Variants in TONSL observed in about 807,000 individuals in gnomAD.
TONSL encodes the protein tonsoku-like protein.
A neutral mutation model predicts 147.1 loss-of-function variants in TONSL; 112 were observed. The observed-to-expected ratio is 0.76, with a 90% CI of 0.65 to 0.89. The LOEUF (loss-of-function observed/expected upper bound fraction) is 0.89. TONSL is among the 40% of genes least tolerant of loss of function. The probability of loss-of-function intolerance (pLI) is 0.00; values close to 1 mark genes in which losing one functional copy is unlikely to be tolerated. For synonymous variants in TONSL, 868 were observed against 801.5 expected (o/e 1.08, Z -1.40); for missense variants, 1,883 against 1,864.6 (o/e 1.01, Z -0.18).
intron 5 of TONSL, 124 bp downstream of exon 5, chr8:144,442,553 G>C (rs1387889068): frequency 1.3e-5 from 20 of 1,492,710 alleles, no homozygotes; most frequent in Non-Finnish European, 1.3e-5. Context: ...ACAGGTGTGA[G>C]AGGTGGGGGG....
chr8:144,430,624 C>T, intron 24 of TONSL, 87 bp from the exon 25 acceptor site: 2 of 1,471,126 alleles, frequency 1.4e-6, no homozygotes, highest in Non-Finnish European at 1.8e-6. Flanking sequence ...CAAATGCCAG[C>T]TCAGGGAGCC....
intron 10 of TONSL, 67 bp downstream of exon 10, chr8:144,440,284 G>A: frequency 1.9e-6 from 3 of 1,559,234 alleles, no homozygotes; most frequent in Non-Finnish European, 2.6e-6. Flanking sequence ...GGGGCACAAG[G>A]GGCAGGCAGG....
rs1373467815 is a variant in TONSL, at chr8:144,429,329, G to A, written c.3951C>T (p.Ala1317=). Residue 1317 remains alanine (A), a synonymous_variant, in exon 26 of 26, where the codon GCC becomes GCT. Transcript: ENST00000409379. ...GGCCCAGGCCCAGGGGACCCTGGAC[G>A]GCGCAGCCTGCGGAGGGGAAGAGGG... The part of the protein sequence containing the change: ...GLSFLGLSGC[A]VQGPLGLGLW... The A allele has an allele frequency of 6.9e-7, 1 of 1,444,898 alleles. No individual in the cohort carries two copies. The highest frequency in any genetic ancestry group is 9.1e-7 in the Non-Finnish European group (1 of 1,095,734). 89.5% of individuals were successfully genotyped at this position (1,444,898 alleles called of 1,614,324 possible). A position where few individuals can be genotyped will look rare whatever the true frequency, so the allele number is the denominator to read the frequency against.
At chr8:144,430,068 T>C (rs782745603) in intron 25 of TONSL, among the ~76,000 whole-genome samples, 53 of 152,142 alleles carry the variant, frequency 3.5e-4, no homozygotes, top group Middle Eastern at 3.2e-3. Context: ...CCTTGGCAGC[T>C]TTCAACACCC....
rs1011409477 is a variant in TONSL, at chr8:144,442,395, T to C, written c.596A>G (p.Glu199Gly). 7.1e-6 allele frequency: 11 copies of C among 1,552,860 alleles called. No homozygotes were observed. The highest frequency in any genetic ancestry group is 8.7e-6 in the Non-Finnish European group (10 of 1,147,186). ...GTTGTAGCGGGCGCGGAATAGGTCC[T>C]CGTAAAGGTGGTTCTGCCTGCAGAG... ...IFLAEQNHLY[E>G]DLFRARYNLG... The change falls in exon 6 of 26, where the codon GAG (glutamate) becomes GGG (glycine). Residue 199 changes from glutamate to glycine, a missense_variant. Coordinates refer to ENST00000409379, the MANE Select transcript of TONSL (RefSeq NM_013432.5).
At chr8:144,432,489 C>T in intron 22 of TONSL, 29 bp from the exon 23 acceptor site, 1 of 1,517,210 alleles carries the variant, frequency 6.6e-7, no homozygotes, top group South Asian at 1.3e-5. Context: ...CCGTCAGCCC[C>T]ACGTGGCCAC....
rs766239378 is a variant in TONSL, at chr8:144,436,750, G to A, written c.1890+7C>T. On this transcript the variant is annotated splice_region_variant and intron_variant, in intron 15 of 25. Coordinates refer to ENST00000409379, the MANE Select transcript of TONSL (RefSeq NM_013432.5). ...CTCGCCCTTGCCCTCTGCCCCACCA[G>A]GCTCACCTTTCGAGTGCGGAGGGTG... The A allele has an allele frequency of 6.2e-7, 1 of 1,610,632 alleles. No individual in the cohort carries two copies.
chr8:144,438,426 C>T (rs1180201539), intron 13 of TONSL, 45 bp downstream of exon 13: 3 of 1,587,834 alleles, frequency 1.9e-6, no homozygotes, highest in South Asian at 1.1e-5. Context: ...ACGCACAGCT[C>T]CTCCATGCTA....
In TONSL at chr8:144,436,164, G is replaced by A; in HGVS notation, c.2269C>T (p.Gln757Ter). ...GTGGCCGAGCACCGAGGCCTCTTCTGGGACGGCCGTGCGGGGCCTGCGCTG... is the reference window on the plus strand; with the variant it reads ...GTGGCCGAGCACCGAGGCCTCTTCTAGGACGGCCGTGCGGGGCCTGCGCTG... ...EDSAGPARPS[Q>*]KRPRCSATAQ... Residue 757 changes from glutamine (Q) to a stop codon, truncating the protein, a stop_gained, in exon 17 of 26, where the codon CAG (glutamine) becomes TAG (stop). Transcript: ENST00000409379. LOFTEE classifies it high-confidence loss of function. The A allele has an allele frequency of 6.3e-7, 1 of 1,574,828 alleles. No individual in the cohort carries two copies. Among genetic ancestry groups the A allele is most frequent in the Non-Finnish European group, 8.6e-7 (1 of 1,166,844 alleles).
At chr8:144,443,604 A>G (rs759494683) in intron 3 of TONSL, among the ~76,000 whole-genome samples, 1 of 152,084 alleles carries the variant, frequency 6.6e-6, no homozygotes, top group African/African-American at 2.4e-5. Context: ...GGTCAGGGAG[A>G]GCTTTTGGGA....
chr8:144,441,965 G>C, intron 7 of TONSL, 72 bp downstream of exon 7: 2 of 1,362,638 alleles, frequency 1.5e-6, no homozygotes, highest in Non-Finnish European at 2.1e-6. Context: ...CACACCTGGC[G>C]GGACTCCACC....
At chr8:144,444,341 C>T in intron 1 of TONSL, 49 bp downstream of exon 1, 2 of 1,294,742 alleles carry the variant, frequency 1.5e-6, no homozygotes, top group South Asian at 2.4e-5. Flanking sequence ...AGTCCCAAGC[C>T]CTCCCCAGCC....
rs1383254832 is a variant in TONSL at position 144,440,763 on chromosome 8, G to A, written c.1119C>T (p.Arg373=). 6.2e-7 allele frequency: 1 copy of A among 1,612,790 alleles called. No individual in the cohort carries two copies. The highest frequency in any genetic ancestry group is 2.2e-5 in the East Asian group (1 of 44,898). ...GCAGCCTCAGTTCCTCCTCATAGTG[G>A]CGCACGGCCCCATGGTGGTCCTTCA... ...GDMKDHHGAV[R]HYEEELRLRS... is the part of the protein sequence containing the mutation. Residue 373 remains arginine (R), a synonymous_variant, in exon 9 of 26, where the codon CGC becomes CGT. Coordinates refer to ENST00000409379, the MANE Select transcript of TONSL (RefSeq NM_013432.5).
At chr8:144,442,938 C>T (rs551803092) in intron 4 of TONSL, 132 bp from the exon 5 acceptor site, 31 of 1,326,936 alleles carry the variant, frequency 2.3e-5, no homozygotes, top group South Asian at 2.1e-4. Flanking sequence ...AAGTGTCCTG[C>T]GGCAGATGGA....
intron 13 of TONSL, chr8:144,437,760 T>C (rs578214080): frequency 6.5e-5 from 10 of 154,102 alleles, no homozygotes; most frequent in South Asian, 2.0e-4. Flanking sequence ...TGTGCCACCA[T>C]ACCCAGCTAA....
chr8:144,441,454 T>A (rs1307874606), intron 7 of TONSL: 1 of 236,448 alleles, frequency 4.2e-6, no homozygotes, highest in East Asian at 1.0e-4. Flanking sequence ...CAGCCGGGTG[T>A]GGTGGCGGGC....
Position 144,435,180 on chromosome 8 carries a change from C to T in TONSL, c.2853-10G>A. On this transcript the variant is annotated splice_polypyrimidine_tract_variant and intron_variant, in intron 18 of 25. Coordinates refer to ENST00000409379, the MANE Select transcript of TONSL (RefSeq NM_013432.5). ...AGAGTGGGTGTCACTGCTGCAGGGA[C>T]AGAGGCGCTGCTGCTGCTGCCTGCA... 1 of 1,515,172 alleles carries T rather than the reference C, an allele frequency of 6.6e-7. No homozygotes were observed. The highest frequency in any genetic ancestry group is 8.8e-7 in the Non-Finnish European group (1 of 1,132,920). 93.9% of individuals were successfully genotyped at this position (1,515,172 alleles called of 1,614,324 possible). A position where few individuals can be genotyped will look rare whatever the true frequency, so the allele number is the denominator to read the frequency against.
chr8:144,440,712 T>A lies in TONSL; in HGVS notation c.1164+6A>T, dbSNP rs758846088. On this transcript the variant is annotated splice_donor_region_variant and intron_variant, in intron 9 of 25. Transcript: ENST00000409379. The stretch of plus-strand genomic sequence containing the variant: ...CCTGCATTCGGGCGGGGAGCAAGGG[T>A]TTCACCTCCAGCACGTTGCCGCTGC... 1 of 1,610,122 alleles carries A rather than the reference T, an allele frequency of 6.2e-7. No individual in the cohort carries two copies. Among genetic ancestry groups the A allele is most frequent in the Non-Finnish European group, 8.5e-7 (1 of 1,178,412 alleles).
Position 144,442,165 on chromosome 8 carries a change from G to A in TONSL, c.751-14C>T. The A allele has an allele frequency of 1.9e-6, 3 of 1,606,304 alleles. No individual in the cohort carries two copies. The South Asian group carries it at 3.3e-5, about 18-fold the overall frequency. On this transcript the variant is annotated splice_polypyrimidine_tract_variant and intron_variant, in intron 6 of 25. Transcript: ENST00000409379. ...GTCTTGGAGGACCTGGAGAGCAAAG[G>A]ACAGCAAAGGTTTTGCAGAATCCCC... is the stretch of plus-strand genomic sequence containing the variant.
Sources: gnomAD v4.1 joint callset for allele counts (sites outside exome capture counted in the v4.1 genomes callset) on GRCh38, gnomAD v4.1.1 for gene constraint, MANE v1.5 for transcripts, NCBI Gene and HGNC (gene_info 2026-07-23, HGNC 2026-07-21) for gene names.